The following IQCH variants were observed in gnomAD, a reference collection of about 807,000 sequenced individuals.
The protein encoded by IQCH is IQ domain-containing protein H.
IQCH carries 98 observed loss-of-function variants against 117.0 expected under a neutral mutation model. That is an observed-to-expected ratio of 0.84 (90% CI 0.71 to 0.99). The LOEUF (loss-of-function observed/expected upper bound fraction) is 0.99, where lower values mean the gene tolerates loss of function less well. Among genes scored for constraint, IQCH ranks in the 50% least tolerant of loss-of-function variants. The probability of loss-of-function intolerance (pLI) is 0.00; values close to 1 mark genes in which losing one functional copy is unlikely to be tolerated. For synonymous variants in IQCH, 412 were observed against 448.2 expected (o/e 0.92, Z 1.02); for missense variants, 1,102 against 1,243.8 (o/e 0.89, Z 1.72).
At chr15:67,350,887 T>G (rs945527133) in intron 6 of IQCH, among the ~76,000 whole-genome samples, 6 of 152,102 alleles carry the variant, frequency 3.9e-5, no homozygotes, top group Non-Finnish European at 7.4e-5. Flanking sequence ...GACACCTGCT[T>G]GACATGAAAG....
chr15:67,402,794 A>G (rs1971717736), intron 14 of IQCH, among the ~76,000 whole-genome samples: 2 of 152,256 alleles, frequency 1.3e-5, no homozygotes, highest in Non-Finnish European at 2.9e-5. Context: ...ATAGCAGTTT[A>G]TGATACGATA....
At position 67,496,315 on chromosome 15, in the gene IQCH, A is replaced by G. The variant is rs1291726989; in HGVS notation, c.2970+1949A>G. Among the ~76,000 whole-genome samples the G allele has an allele frequency of 1.3e-5, 2 of 152,224 alleles. No homozygotes were observed. Among genetic ancestry groups the G allele is most frequent in the Admixed American group, 6.5e-5 (1 of 15,284 alleles). On this transcript the variant is annotated intron_variant, in intron 20 of 20. Coordinates refer to ENST00000335894, the MANE Select transcript of IQCH (RefSeq NM_001031715.3). This position sits in a 1 kb window ranked among gnomAD's most constrained non-coding sequence, Gnocchi z 4.4. ...AAAAGGAAGATAATGCAGAAAATGC[A>G]TTTAACAAAATGTAACATTCTTTTC...
At chr15:67,448,907 A>T (rs189941705) in intron 16 of IQCH, among the ~76,000 whole-genome samples, 1 of 152,262 alleles carries the variant, frequency 6.6e-6, no homozygotes, top group Non-Finnish European at 1.5e-5. Flanking sequence ...CTGACTAATG[A>T]TCGCCATTCT....
chr15:67,383,593 CACAAT>C (rs1416273376), intron 10 of IQCH, among the ~76,000 whole-genome samples: 12 of 151,974 alleles, frequency 7.9e-5, no homozygotes, highest in Admixed American at 7.9e-4. Context: ...ATATGTTATC[CACAAT>C]ACATCTTTCT....
At chr15:67,488,392 A>T (rs2083552680) in intron 18 of IQCH, among the ~76,000 whole-genome samples, 1 of 152,214 alleles carries the variant, frequency 6.6e-6, no homozygotes, top group Non-Finnish European at 1.5e-5. Context: ...CCCAAAACAG[A>T]CATCTTTATA....
chr15:67,435,132 G>C (rs2082108579), intron 16 of IQCH, among the ~76,000 whole-genome samples: 1 of 151,836 alleles, frequency 6.6e-6, no homozygotes, highest in Non-Finnish European at 1.5e-5. Context: ...TGGCATTACA[G>C]ATGTGAGCCA....
chr15:67,464,045 G>A (rs2082869545), intron 16 of IQCH, among the ~76,000 whole-genome samples: 1 of 152,154 alleles, frequency 6.6e-6, no homozygotes, highest in Admixed American at 6.5e-5. Context: ...ATTTCGCCAT[G>A]TTGGCCAGGC....
intron 4 of IQCH, among the ~76,000 whole-genome samples, chr15:67,310,784 A>G (rs1967553122): frequency 6.6e-6 from 1 of 152,208 alleles, no homozygotes; most frequent in African/African-American, 2.4e-5. Flanking sequence ...AAAGTCAACA[A>G]TGAAGCATAA....
In IQCH at chr15:67,401,932, T is replaced by C. The variant is rs928094456; in HGVS notation, c.2097+1627T>C. Among the ~76,000 whole-genome samples the C allele has an allele frequency of 6.6e-6, 1 of 152,226 alleles. No individual in the cohort carries two copies. The highest frequency in any genetic ancestry group is 2.4e-5 in the African/African-American group (1 of 41,464). On this transcript the variant is annotated intron_variant, in intron 14 of 20. Coordinates refer to ENST00000335894, the MANE Select transcript of IQCH (RefSeq NM_001031715.3). This position sits in a 1 kb window ranked among gnomAD's most constrained non-coding sequence, Gnocchi z 4.7. The stretch of plus-strand genomic sequence containing the variant: ...ATTAAACCATAAAAATATGGTTTTT[T>C]AATTTAAAACATTGAAGTGTTAATG...
intron 14 of IQCH, among the ~76,000 whole-genome samples, chr15:67,415,657 G>T (rs1056837071): frequency 2.6e-5 from 4 of 152,098 alleles, no homozygotes; most frequent in African/African-American, 9.7e-5. Context: ...TAGGGAAATT[G>T]GAAATAAGTG....
At chr15:67,334,798 A>T (rs1968820660) in intron 4 of IQCH, among the ~76,000 whole-genome samples, 1 of 152,206 alleles carries the variant, frequency 6.6e-6, no homozygotes, top group African/African-American at 2.4e-5. Flanking sequence ...TCCCTCTTCT[A>T]TACTCCTACA....
chr15:67,380,865 T>G (rs749170927), intron 10 of IQCH, among the ~76,000 whole-genome samples: 25 of 152,204 alleles, frequency 1.6e-4, no homozygotes, highest in Non-Finnish European at 8.8e-5. Flanking sequence ...AACTGAGGCA[T>G]GAATGACTAC....
At chr15:67,421,255 T>C (rs762588069) in intron 15 of IQCH, 36 bp from the exon 16 acceptor site, 5 of 1,574,860 alleles carry the variant, frequency 3.2e-6, no homozygotes, top group Non-Finnish European at 4.3e-6. Flanking sequence ...ACAAAATGCA[T>C]GTGTCCTTTC....
At chr15:67,421,989 C>T (rs2081759021) in intron 16 of IQCH, among the ~76,000 whole-genome samples, 1 of 151,970 alleles carries the variant, frequency 6.6e-6, no homozygotes, top group South Asian at 2.1e-4. Flanking sequence ...ATTCCAGCTA[C>T]TTGGGAGGCT....
chr15:67,434,039 C>A (rs1482626942), intron 16 of IQCH, among the ~76,000 whole-genome samples: 1 of 152,072 alleles, frequency 6.6e-6, no homozygotes, highest in East Asian at 1.9e-4. Flanking sequence ...TTACCACAAT[C>A]AAGCTAATTA....
rs1225263432 is a variant in IQCH at position 67,458,667 on chromosome 15, C to G, written c.2506-6460C>G. Among the ~76,000 whole-genome samples, 1 of 152,236 alleles carries G rather than the reference C, an allele frequency of 6.6e-6. No individual in the cohort carries two copies. Among genetic ancestry groups the G allele is most frequent in the Non-Finnish European group, 1.5e-5 (1 of 68,034 alleles). ...AAAACAGAGGGAACCATGGCCTACC[C>G]ATGGCTGTATTCTCTACCAACCAGA... On this transcript the variant is annotated intron_variant, in intron 16 of 20. Transcript: ENST00000335894. This position sits in a 1 kb window ranked among gnomAD's most constrained non-coding sequence, Gnocchi z 4.1.
intron 4 of IQCH, among the ~76,000 whole-genome samples, chr15:67,289,166 G>A (rs1334159949): frequency 6.6e-6 from 1 of 152,130 alleles, no homozygotes; most frequent in Non-Finnish European, 1.5e-5. Context: ...ATTCTATAAT[G>A]TGAAAGAGTT....
intron 1 of IQCH, chr15:67,255,285 CG>C (rs1567039714): frequency 2.9e-6 from 1 of 343,988 alleles, no homozygotes; most frequent in Non-Finnish European, 5.5e-6. Context: ...CCCATGACGT[CG>C]GGAGTGGAGG....
chr15:67,300,345 TAGTC>T (rs1379987426), intron 4 of IQCH, among the ~76,000 whole-genome samples: 2 of 152,104 alleles, frequency 1.3e-5, no homozygotes, highest in Non-Finnish European at 2.9e-5. Flanking sequence ...TACCATACAT[TAGTC>T]ATTTGAACTT....
Sources: allele counts gnomAD v4.1 joint callset (sites outside exome capture counted in the v4.1 genomes callset), GRCh38; gene constraint gnomAD v4.1.1; non-coding constraint Gnocchi (gnomAD v3.1); transcripts MANE v1.5; gene names NCBI Gene and HGNC (gene_info 2026-07-23, HGNC 2026-07-21).